CELF2: variants seen among roughly 807,000 people sequenced by gnomAD.
CELF2 encodes the protein CUG triplet repeat RNA-binding protein 2.
In CELF2, 8 loss-of-function variants were observed where a neutral mutation model predicts 62.6. That is an observed-to-expected ratio of 0.13 (90% confidence interval 0.07 to 0.23). CELF2 has a LOEUF of 0.23. Among genes scored for constraint, CELF2 ranks in the 10% least tolerant of loss-of-function variants. The probability of loss-of-function intolerance (pLI) is 1.00; values close to 1 mark genes in which losing one functional copy is unlikely to be tolerated. For synonymous variants in CELF2, 258 were observed against 250.0 expected, an observed-to-expected ratio of 1.03 and a Z score of -0.30; for missense variants, 333 against 671.0, an observed-to-expected ratio of 0.50 and a Z score of 5.56.
intron 9 of CELF2, among the ~76,000 whole-genome samples, chr10:11,308,850 T>C (rs1225125552): frequency 7.0e-6 from 1 of 142,352 alleles, no homozygotes; most frequent in African/African-American, 2.5e-5. Flanking sequence ...CTAGGCAGTA[T>C]GATTTTCTTA....
chr10:11,005,151 A>C, upstream of CELF2: 1 of 985,308 alleles, frequency 1.0e-6, no homozygotes, highest in Non-Finnish European at 1.2e-6. The surrounding 1 kb of genome is among the most constrained non-coding windows in gnomAD (Gnocchi z 4.3). Flanking sequence ...TAGACAACAT[A>C]ACTTGTCAGA....
chr10:10,704,536 T>C, the CELF2 span, among the ~76,000 whole-genome samples: 1 of 152,176 alleles, frequency 6.6e-6, no homozygotes, highest in African/African-American at 2.4e-5. Flanking sequence ...AATATAATAA[T>C]TAATAATCAA....
intron 2 of CELF2, among the ~76,000 whole-genome samples, chr10:10,964,107 A>G (rs2049858275): frequency 6.6e-6 from 1 of 152,244 alleles, no homozygotes; most frequent in Non-Finnish European, 1.5e-5. Flanking sequence ...AAGGAAGAGC[A>G]GAGCACTATT....
chr10:10,889,708 AG>A (rs2062000340), intron 1 of CELF2, among the ~76,000 whole-genome samples: 1 of 152,210 alleles, frequency 6.6e-6, no homozygotes. Context: ...GCCACCTGCA[AG>A]CATATACCTG....
chr10:10,618,011 A>G, the CELF2 span, among the ~76,000 whole-genome samples: 1,067 of 151,814 alleles, frequency 7.0e-3, 8 homozygotes, highest in South Asian at 0.035. Flanking sequence ...GCAATCTTGA[A>G]CTCTTATCAG....
intron 1 of CELF2, among the ~76,000 whole-genome samples, chr10:11,051,469 G>A (rs1310633510): frequency 6.6e-6 from 1 of 152,146 alleles, no homozygotes; most frequent in Admixed American, 6.5e-5. Flanking sequence ...TACATAAACT[G>A]TACCAACAAC....
intron 1 of CELF2, among the ~76,000 whole-genome samples, chr10:11,065,598 T>A (rs1041083460): frequency 6.6e-6 from 1 of 152,184 alleles, no homozygotes; most frequent in Non-Finnish European, 1.5e-5. Flanking sequence ...GGTTTTCCTC[T>A]TTGAACCAAT....
At chr10:10,654,810 G>A in the CELF2 span, among the ~76,000 whole-genome samples, 60 of 150,182 alleles carry the variant, frequency 4.0e-4, no homozygotes, top group African/African-American at 1.1e-3. Flanking sequence ...AACTGGCACA[G>A]GACAGGGATG....
chr10:11,240,882 C>T (rs1219552781), intron 3 of CELF2, among the ~76,000 whole-genome samples: 1 of 152,182 alleles, frequency 6.6e-6, no homozygotes, highest in African/African-American at 2.4e-5. Flanking sequence ...TGTGTGGATG[C>T]ACATGACAGG....
chr10:10,624,622 C>T, the CELF2 span, among the ~76,000 whole-genome samples: 10,769 of 152,222 alleles, frequency 0.071, 569 homozygotes, highest in African/African-American at 0.15. Context: ...GTTTTCCGCA[C>T]AGAAACCTAG....
intron 1 of CELF2, among the ~76,000 whole-genome samples, chr10:11,094,267 A>G (rs1019460157): frequency 3.3e-5 from 5 of 152,264 alleles, no homozygotes; most frequent in African/African-American, 2.4e-5. Flanking sequence ...TTTTAGAGCC[A>G]TAAGAATCTG....
chr10:11,083,106 G>A lies in CELF2; in HGVS notation c.74+64943G>A, dbSNP rs899169007. Among the ~76,000 whole-genome samples the A allele has an allele frequency of 3.9e-5, 6 of 152,352 alleles. No individual in the cohort carries two copies. In the East Asian group the frequency reaches 5.8e-4, roughly 15 times the overall value. ...CCAGGACACAGTGCATCCTTCGGTT[G>A]TGATTGTTATCTTATCCTGATTGGC... On this transcript the variant is annotated intron_variant, in intron 1 of 12. Coordinates refer to ENST00000633077, the MANE Select transcript of CELF2 (RefSeq NM_001326342.2).
chr10:10,538,498 A>C, the CELF2 span, among the ~76,000 whole-genome samples: 3 of 152,078 alleles, frequency 2.0e-5, no homozygotes, highest in Non-Finnish European at 4.4e-5. Flanking sequence ...AATCTCCTGC[A>C]GCTCCCTCTC....
At chr10:10,982,512 C>T (rs2052262533) in intron 2 of CELF2, among the ~76,000 whole-genome samples, 1 of 152,160 alleles carries the variant, frequency 6.6e-6, no homozygotes, top group African/African-American at 2.4e-5. Flanking sequence ...CAAGCAGCAC[C>T]TGGGTCCCAG....
chr10:10,609,028 C>T, the CELF2 span, among the ~76,000 whole-genome samples: 1 of 152,184 alleles, frequency 6.6e-6, no homozygotes, highest in African/African-American at 2.4e-5. Context: ...AGCCTCCTTG[C>T]AAACGTAATC....
chr10:11,320,964 G>C, intron 10 of CELF2: 1 of 1,521,780 alleles, frequency 6.6e-7, no homozygotes. Context: ...CAGTGCATTT[G>C]AATCACTGGC....
At chr10:10,925,481 C>A (rs530871194) in intron 2 of CELF2, among the ~76,000 whole-genome samples, 1 of 152,166 alleles carries the variant, frequency 6.6e-6, no homozygotes, top group East Asian at 1.9e-4. Context: ...CAGACGGACA[C>A]CATCTCTTCT....
intron 1 of CELF2, among the ~76,000 whole-genome samples, chr10:10,832,891 T>C (rs2057986897): frequency 6.6e-6 from 1 of 152,188 alleles, no homozygotes; most frequent in African/African-American, 2.4e-5. Flanking sequence ...GCTTCTGTTA[T>C]GAAAACTGGC....
At chr10:10,612,913 T>C in the CELF2 span, among the ~76,000 whole-genome samples, 1 of 152,208 alleles carries the variant, frequency 6.6e-6, no homozygotes, top group African/African-American at 2.4e-5. Flanking sequence ...ATTGTAAGAA[T>C]AGAGTCTTAG....
Sources: gnomAD v4.1 joint callset for allele counts (sites outside exome capture counted in the v4.1 genomes callset) on GRCh38, gnomAD v4.1.1 for gene constraint, Gnocchi (gnomAD v3.1) non-coding constraint, MANE v1.5 for transcripts, NCBI Gene and HGNC (gene_info 2026-07-23, HGNC 2026-07-21) for gene names.